Variants in PDE1A observed in about 807,000 individuals in gnomAD.
PDE1A encodes the protein phosphodiesterase 1A, also known as dual specificity calcium/calmodulin-dependent 3',5'-cyclic nucleotide phosphodiesterase 1A.
A neutral mutation model predicts 61.7 loss-of-function variants in PDE1A; 35 were observed. The ratio of observed to expected loss-of-function variants is 0.57; its 90% confidence interval spans 0.43 to 0.75. The LOEUF is 0.75. PDE1A is among the 30% of genes least tolerant of loss of function. PDE1A has a pLI of 0.00. For missense variants in PDE1A, 597 were observed against 630.6 expected, an observed-to-expected ratio of 0.95 and a Z score of 0.57; for synonymous variants, 232 against 213.2, an observed-to-expected ratio of 1.09 and a Z score of -0.77.
At chr2:182,658,047 T>TAAAAAAAAAAAAAAAAAAAA in the PDE1A span, among the ~76,000 whole-genome samples, 2 of 66,674 alleles carry the variant, frequency 3.0e-5, no homozygotes, top group African/African-American at 1.4e-4. Context: ...AGCTTCTCAG[T>TAAAAAAAAAAAAAAAAAAAA]AAAAAAAAAA....
At chr2:182,502,163 A>T (rs1280786273) in intron 2 of PDE1A, among the ~76,000 whole-genome samples, 2 of 152,210 alleles carry the variant, frequency 1.3e-5, no homozygotes, top group African/African-American at 4.8e-5. Flanking sequence ...AAATAAAAGT[A>T]ACCAGAGTTT....
At chr2:182,689,422 A>G in the PDE1A span, among the ~76,000 whole-genome samples, 1 of 152,218 alleles carries the variant, frequency 6.6e-6, no homozygotes, top group East Asian at 1.9e-4. Context: ...CTGTTCCTGA[A>G]TGACTACTGG....
the PDE1A span, among the ~76,000 whole-genome samples, chr2:182,590,459 C>T: frequency 0.048 from 7,326 of 151,944 alleles, 217 homozygotes; most frequent in Middle Eastern, 0.085. Flanking sequence ...CATAGCCAGA[C>T]CCTGTCTCAA....
the PDE1A span, among the ~76,000 whole-genome samples, chr2:182,671,241 A>C: frequency 6.7e-6 from 1 of 148,678 alleles, no homozygotes; most frequent in Admixed American, 6.7e-5. Context: ...GCGCGATCTC[A>C]GCTCACTGCA....
the PDE1A span, among the ~76,000 whole-genome samples, chr2:182,594,408 C>A: frequency 6.6e-6 from 1 of 152,226 alleles, no homozygotes; most frequent in African/African-American, 2.4e-5. Flanking sequence ...CTAGTCCTCA[C>A]AGCAACTCCT....
At chr2:182,491,562 C>T (rs1422292911) in intron 2 of PDE1A, among the ~76,000 whole-genome samples, 5 of 152,120 alleles carry the variant, frequency 3.3e-5, no homozygotes, top group Non-Finnish European at 7.4e-5. Flanking sequence ...TTAGATTTGA[C>T]CCAGCATACT....
chr2:182,684,098 G>A, the PDE1A span, among the ~76,000 whole-genome samples: 1 of 148,874 alleles, frequency 6.7e-6, no homozygotes, highest in East Asian at 2.0e-4. Flanking sequence ...ACTCCAGCCT[G>A]GGCAACAAGA....
At chr2:182,585,219 T>C in the PDE1A span, among the ~76,000 whole-genome samples, 2 of 152,190 alleles carry the variant, frequency 1.3e-5, no homozygotes, top group African/African-American at 4.8e-5. Context: ...GGAAATTTCA[T>C]CACACTAGAG....
intron 1 of PDE1A, among the ~76,000 whole-genome samples, chr2:182,331,678 C>T (rs1173526043): frequency 2.0e-5 from 3 of 152,300 alleles, no homozygotes; most frequent in African/African-American, 7.2e-5. Context: ...TATTGTCACC[C>T]ACTCTCTTCT....
Position 182,176,038 on chromosome 2 carries a change from A to G in PDE1A, c.1517-7748T>C, listed in dbSNP as rs890148276. Among the ~76,000 whole-genome samples, 44 of 148,980 alleles carry G rather than the reference A, an allele frequency of 3.0e-4. 1 individual carries two copies. The highest frequency in any genetic ancestry group is 5.2e-4 in the Non-Finnish European group (35 of 67,932). On this transcript the variant is annotated intron_variant, in intron 13 of 13. Transcript: ENST00000351439. ...CTGAGGGCTGTGTTCTGTTCCATTG[A>G]TCTATATCTCTGTTTTGGTACCAGT...
the PDE1A span, among the ~76,000 whole-genome samples, chr2:182,586,131 T>C: frequency 1.3e-5 from 2 of 152,176 alleles, no homozygotes. Flanking sequence ...TATGAGGTAT[T>C]CATTTTCAGT....
chr2:182,160,488 C>T lies in PDE1A; in HGVS notation c.1517-13336G>A, dbSNP rs544523918. 5.9e-5 allele frequency among the ~76,000 whole-genome samples: 9 copies of T among 152,302 alleles called. No homozygotes were observed. In the South Asian group the frequency reaches 1.2e-3, roughly 21 times the overall value. On this transcript the variant is annotated intron_variant, in intron 13 of 13. Transcript: ENST00000409365. Reference sequence around the variant, plus strand: ...TTTCTTTTGGCCTCTCTGTCTCTCTCTTCCTGAGTAGACACCTTTTTATCC... The same window carrying T: ...TTTCTTTTGGCCTCTCTGTCTCTCTTTTCCTGAGTAGACACCTTTTTATCC...
intron 1 of PDE1A, among the ~76,000 whole-genome samples, chr2:182,403,971 T>A (rs1702161529): frequency 6.6e-6 from 1 of 152,052 alleles, no homozygotes; most frequent in African/African-American, 2.4e-5. Context: ...ACCCCAGAAC[T>A]TAAAGTATAA....
the PDE1A span, among the ~76,000 whole-genome samples, chr2:182,641,735 AATTT>A: frequency 0.64 from 97,301 of 151,448 alleles, 31,367 homozygotes; most frequent in Admixed American, 0.73. Context: ...GGTTACAAGC[AATTT>A]ATTTATTGTT....
intron 2 of PDE1A, among the ~76,000 whole-genome samples, chr2:182,505,468 G>T (rs1350618048): frequency 7.2e-5 from 11 of 152,206 alleles, no homozygotes; most frequent in Admixed American, 7.2e-4. Context: ...ATCATTCGTA[G>T]ATGCTTATTC....
At chr2:182,660,167 C>A in the PDE1A span, among the ~76,000 whole-genome samples, 1 of 152,132 alleles carries the variant, frequency 6.6e-6, no homozygotes, top group Non-Finnish European at 1.5e-5. Flanking sequence ...AAAAGATGGT[C>A]CCCAGCCTTA....
At chr2:182,228,607 G>A (rs996625265) in intron 6 of PDE1A, among the ~76,000 whole-genome samples, 2 of 152,070 alleles carry the variant, frequency 1.3e-5, no homozygotes, top group Non-Finnish European at 2.9e-5. Context: ...TTTTAATGTA[G>A]AGAAAACTTG....
intron 1 of PDE1A, among the ~76,000 whole-genome samples, chr2:182,363,714 C>T (rs899615031): frequency 1.3e-5 from 2 of 152,046 alleles, no homozygotes; most frequent in Admixed American, 1.3e-4. Context: ...ATACCATTTT[C>T]TGCATCATGC....
chr2:182,713,631 C>T, the PDE1A span, among the ~76,000 whole-genome samples: 2 of 152,030 alleles, frequency 1.3e-5, no homozygotes, highest in Non-Finnish European at 2.9e-5. Flanking sequence ...AACTCCATCT[C>T]AAAAAATACT....
Sources: gnomAD v4.1 joint callset for allele counts (sites outside exome capture counted in the v4.1 genomes callset) on GRCh38, gnomAD v4.1.1 for gene constraint, MANE v1.5 for transcripts, NCBI Gene and HGNC (gene_info 2026-07-23, HGNC 2026-07-21) for gene names.